RGP1: variants seen among roughly 807,000 people sequenced by gnomAD.
The protein encoded by RGP1 is RAB6A-GEF complex partner protein 2.
RGP1 carries 28 observed loss-of-function variants against 44.5 expected under a neutral mutation model. The observed-to-expected ratio is 0.63, with a 90% CI of 0.47 to 0.86. RGP1 has a LOEUF of 0.86. RGP1 is among the 40% of genes least tolerant of loss of function. The probability of loss-of-function intolerance (pLI) is 0.00; values close to 1 mark genes in which losing one functional copy is unlikely to be tolerated. For missense variants in RGP1, 417 were observed against 490.7 expected (o/e 0.85, Z 1.42); for synonymous variants, 212 against 196.7 (o/e 1.08, Z -0.65).
At chr9:35,763,013 T>G (rs1258560441), downstream of RGP1, among the ~76,000 whole-genome samples, 4 of 152,220 alleles carry the variant, frequency 2.6e-5, no homozygotes, top group East Asian at 7.7e-4. Context: ...AGTTCAAATC[T>G]TTTGTTTCTT....
chr9:35,769,726 G>A, the RGP1 span, among the ~76,000 whole-genome samples: 2 of 152,204 alleles, frequency 1.3e-5, no homozygotes, highest in East Asian at 3.9e-4. Context: ...AGAGTGTAGA[G>A]GATGAGGAAG....
At chr9:35,751,086 C>A in intron 5 of RGP1, 97 bp downstream of exon 5, 1 of 1,523,200 alleles carries the variant, frequency 6.6e-7, no homozygotes, top group South Asian at 1.2e-5. Flanking sequence ...GGGAAACTTC[C>A]TGGTCTCAGT....
At chr9:35,785,624 G>T in the RGP1 span, among the ~76,000 whole-genome samples, 1 of 152,142 alleles carries the variant, frequency 6.6e-6, no homozygotes, top group Non-Finnish European at 1.5e-5. Context: ...GGAGGGAAGT[G>T]AGACTGGAGA....
At chr9:35,783,958 T>G in the RGP1 span, among the ~76,000 whole-genome samples, 4 of 152,264 alleles carry the variant, frequency 2.6e-5, no homozygotes, top group African/African-American at 9.6e-5. Flanking sequence ...TGTTAATTTT[T>G]GTCTTTTTGA....
At chr9:35,787,933 C>G in the RGP1 span, among the ~76,000 whole-genome samples, 1 of 152,190 alleles carries the variant, frequency 6.6e-6, no homozygotes, top group East Asian at 1.9e-4. Flanking sequence ...TTCTGCTAGT[C>G]AGGTCAGCAG....
the RGP1 span, among the ~76,000 whole-genome samples, chr9:35,788,489 C>G: frequency 6.6e-6 from 1 of 151,734 alleles, no homozygotes; most frequent in Non-Finnish European, 1.5e-5. Context: ...TCACTTGAAC[C>G]TGGGAGATGG....
Position 35,752,022 on chromosome 9 carries a change from G to T in RGP1, c.829G>T (p.Gly277Cys). ...PEYQRRRGAG[G>C]VPSVSHVTHA... ...GTACCAGCGGCGACGTGGGGCAGGGGGTGTCCCCTCTGTGTCACATGTGAC... is the reference window on the plus strand; with the variant it reads ...GTACCAGCGGCGACGTGGGGCAGGGTGTGTCCCCTCTGTGTCACATGTGAC... Residue 277 changes from glycine to cysteine, a missense_variant, in exon 8 of 9, where the codon GGT becomes TGT. Transcript: ENST00000378078. 6.2e-7 allele frequency: 1 copy of T among 1,609,794 alleles called. No individual in the cohort carries two copies. Among genetic ancestry groups the T allele is most frequent in the Non-Finnish European group, 8.5e-7 (1 of 1,177,694 alleles).
At chr9:35,761,638 C>A (rs948269937), downstream of RGP1, among the ~76,000 whole-genome samples, 2 of 152,032 alleles carry the variant, frequency 1.3e-5, no homozygotes, top group African/African-American at 4.8e-5. Context: ...TGTGCCACTG[C>A]ACTTCAGCTT....
At chr9:35,784,249 A>C in the RGP1 span, among the ~76,000 whole-genome samples, 57 of 152,114 alleles carry the variant, frequency 3.7e-4, no homozygotes, top group African/African-American at 1.3e-3. Context: ...CATTTTGTTG[A>C]CTGTCTCCTT....
the RGP1 span, among the ~76,000 whole-genome samples, chr9:35,769,801 C>T: frequency 6.6e-6 from 1 of 152,132 alleles, no homozygotes; most frequent in Middle Eastern, 3.2e-3. Flanking sequence ...CCTTGAAATT[C>T]AGGATCAGTT....
At position 35,753,240 on chromosome 9, in the gene RGP1, G is replaced by A. The variant is rs2132036225; in HGVS notation, c.*366G>A. ...AACTGGCAGGTTCCTGCCTCCTGAC[G>A]TACCTCACACCCAGCCGGGAAGTCG... On this transcript the variant is annotated 3_prime_UTR_variant, in exon 9 of 9. Transcript: ENST00000378078. The surrounding 1 kb of genome is among the most constrained non-coding windows in gnomAD (Gnocchi z 4.2). The A allele has an allele frequency of 3.1e-6, 5 of 1,614,106 alleles. No homozygotes were observed. The highest frequency in any genetic ancestry group is 1.1e-5 in the South Asian group (1 of 91,084).
chr9:35,753,027 T>A lies in RGP1; in HGVS notation c.*153T>A. The stretch of plus-strand genomic sequence containing the variant: ...CATTAATTTATTTGTTCAGAATACA[T>A]TGGCAGCTGCTAGTGGTTTCCCTGG... On this transcript the variant is annotated 3_prime_UTR_variant, in exon 9 of 9. Coordinates refer to ENST00000378078, the MANE Select transcript of RGP1 (RefSeq NM_001080496.3). The surrounding 1 kb of genome is among the most constrained non-coding windows in gnomAD (Gnocchi z 4.2). 1 of 1,570,922 alleles carries A rather than the reference T, an allele frequency of 6.4e-7. No individual in the cohort carries two copies. The highest frequency in any genetic ancestry group is 8.7e-7 in the Non-Finnish European group (1 of 1,147,980).
chr9:35,754,164 C>A lies in RGP1; in HGVS notation c.*1290C>A. On this transcript the variant is annotated 3_prime_UTR_variant, in exon 9 of 9. Transcript: ENST00000378078. ...ACAGCCCTCTCAGACCCTTCTTGGC[C>A]TCTGCTCAGCTACTCTGGTCTTGAC... is the stretch of plus-strand genomic sequence containing the variant. 6.3e-7 allele frequency: 1 copy of A among 1,591,896 alleles called. No homozygotes were observed.
In RGP1 at chr9:35,753,646, CT is replaced by C; in HGVS notation, c.*775del. 1.2e-6 allele frequency: 2 copies of C among 1,605,006 alleles called. No homozygotes were observed. The highest frequency in any genetic ancestry group is 1.7e-6 in the Non-Finnish European group (2 of 1,172,184). On this transcript the variant is annotated 3_prime_UTR_variant, in exon 9 of 9. Coordinates refer to ENST00000378078, the MANE Select transcript of RGP1 (RefSeq NM_001080496.3). The surrounding 1 kb of genome is among the most constrained non-coding windows in gnomAD (Gnocchi z 4.2). The stretch of plus-strand genomic sequence containing the variant: ...TATCAGAGTCATTCTCTCTGGCCAT[CT>C]TTGGTCACTCACGTGTCACAGCAGC...
chr9:35,778,135 A>C, the RGP1 span, among the ~76,000 whole-genome samples: 1 of 152,108 alleles, frequency 6.6e-6, no homozygotes, highest in African/African-American at 2.4e-5. Context: ...CCCCGTCTCT[A>C]CTAAAAATAC....
rs1327004944 is a variant in RGP1 at position 35,752,758 on chromosome 9, G to C, written c.1060G>C (p.Glu354Gln). The C allele has an allele frequency of 6.2e-7, 1 of 1,613,686 alleles. No individual in the cohort carries two copies. Among genetic ancestry groups the C allele is most frequent in the Non-Finnish European group, 8.5e-7 (1 of 1,179,830 alleles). ...CGAACCTACCACCTGGACAGGACCT[G>C]AGCAAGTACCTGTAGACACCTTCAG... ...QPEPTTWTGP[E>Q]QVPVDTFSWD... Residue 354 changes from glutamate (E) to glutamine (Q), a missense_variant, in exon 9 of 9, where the codon GAG becomes CAG. Transcript: ENST00000378078.
intron 3 of RGP1, 75 bp from the exon 4 acceptor site, chr9:35,750,583 A>C: frequency 6.6e-7 from 1 of 1,513,136 alleles, no homozygotes; most frequent in Non-Finnish European, 9.2e-7. Context: ...GCCTTTCACT[A>C]TCTCCACTTG....
downstream of RGP1, among the ~76,000 whole-genome samples, chr9:35,760,856 A>G (rs1827411132): frequency 6.6e-6 from 1 of 152,210 alleles, no homozygotes; most frequent in South Asian, 2.1e-4. Flanking sequence ...TGCCAACACA[A>G]ATAAGGAGGC....
At chr9:35,789,618 T>C in the RGP1 span, among the ~76,000 whole-genome samples, 4 of 149,536 alleles carry the variant, frequency 2.7e-5, no homozygotes, top group Non-Finnish European at 4.5e-5. Flanking sequence ...AGAATAGTCC[T>C]TAATGTTCAG....
Sources: gnomAD v4.1 joint callset for allele counts (sites outside exome capture counted in the v4.1 genomes callset) on GRCh38, gnomAD v4.1.1 for gene constraint, Gnocchi (gnomAD v3.1) non-coding constraint, MANE v1.5 for transcripts, NCBI Gene and HGNC (gene_info 2026-07-23, HGNC 2026-07-21) for gene names.